The following INPP5D variants were observed in gnomAD, a reference collection of about 807,000 sequenced individuals.
INPP5D encodes the protein phosphatidylinositol 3,4,5-trisphosphate 5-phosphatase 1.
A neutral mutation model predicts 122.9 loss-of-function variants in INPP5D; 33 were observed. The ratio of observed to expected loss-of-function variants is 0.27; its 90% CI spans 0.20 to 0.36. INPP5D has a LOEUF of 0.36. Among genes scored for constraint, INPP5D ranks in the 10% least tolerant of loss-of-function variants. The probability of loss-of-function intolerance (pLI) is 1.00; values close to 1 mark genes in which losing one functional copy is unlikely to be tolerated. For missense variants in INPP5D, 1,053 were observed against 1,412.7 expected (o/e 0.75, Z 4.08); for synonymous variants, 584 against 576.2 (o/e 1.01, Z -0.19).
intron 2 of INPP5D, among the ~76,000 whole-genome samples, chr2:233,114,140 C>A (rs1574737257): frequency 6.6e-6 from 1 of 152,162 alleles, no homozygotes; most frequent in East Asian, 1.9e-4. Flanking sequence ...GATCTCCTGA[C>A]CTTGTGATCT....
At chr2:233,145,712 T>G (rs1287225157) in intron 6 of INPP5D, among the ~76,000 whole-genome samples, 1 of 151,568 alleles carries the variant, frequency 6.6e-6, no homozygotes, top group Admixed American at 6.6e-5. Flanking sequence ...GGGGGCTGCA[T>G]CATATAGGAC....
intron 2 of INPP5D, among the ~76,000 whole-genome samples, chr2:233,119,251 C>T (rs529691845): frequency 5.3e-5 from 8 of 152,304 alleles, no homozygotes; most frequent in Admixed American, 2.0e-4. Context: ...ACACATGAGG[C>T]GTTCAACTTC....
At chr2:233,091,576 C>T (rs777832182) in intron 2 of INPP5D, among the ~76,000 whole-genome samples, 9 of 152,158 alleles carry the variant, frequency 5.9e-5, no homozygotes, top group African/African-American at 1.9e-4. Flanking sequence ...CTCATAATGC[C>T]GTTTCTAGGG....
intron 5 of INPP5D, among the ~76,000 whole-genome samples, chr2:233,138,836 C>G (rs914753612): frequency 5.3e-5 from 8 of 152,062 alleles, no homozygotes; most frequent in South Asian, 4.2e-4. Flanking sequence ...AGCTCTGTCT[C>G]CCGGGTTCAC....
chr2:233,181,862 G>A (rs1461550397), intron 18 of INPP5D, among the ~76,000 whole-genome samples: 6 of 152,268 alleles, frequency 3.9e-5, no homozygotes, highest in South Asian at 2.1e-4. Flanking sequence ...TTGGGAGGCC[G>A]AGGCGAGTGG....
At chr2:233,110,664 G>A (rs1435723536) in intron 2 of INPP5D, among the ~76,000 whole-genome samples, 2 of 152,334 alleles carry the variant, frequency 1.3e-5, no homozygotes, top group South Asian at 2.1e-4. Flanking sequence ...GCTGACGCCT[G>A]TAATCCCATC....
At chr2:233,205,638 A>C (rs1695479190) in intron 26 of INPP5D, 1 of 151,984 alleles carries the variant, frequency 6.6e-6, no homozygotes, top group South Asian at 2.1e-4. Context: ...CTGGGATTAC[A>C]GGCATGAGCC....
At chr2:233,061,378 G>T (rs1378504045) in intron 1 of INPP5D, among the ~76,000 whole-genome samples, 1 of 152,102 alleles carries the variant, frequency 6.6e-6, no homozygotes, top group Non-Finnish European at 1.5e-5. Context: ...GCGTCTGAAG[G>T]AGGCCCTTGC....
At chr2:233,108,260 G>A (rs1019354280) in intron 2 of INPP5D, among the ~76,000 whole-genome samples, 4 of 152,174 alleles carry the variant, frequency 2.6e-5, no homozygotes, top group Admixed American at 2.6e-4. Flanking sequence ...CAGCTAGAGA[G>A]TCCGGGGATC....
Position 233,164,572 on chromosome 2 carries a change from G to A in INPP5D, c.1555+148G>A, listed in dbSNP as rs1194415767. On this transcript the variant is annotated intron_variant, in intron 13 of 26. Coordinates refer to ENST00000445964, the MANE Select transcript of INPP5D (RefSeq NM_001017915.3). The surrounding 1 kb of genome is among the most constrained non-coding windows in gnomAD (Gnocchi z 4.3). ...CTGGCTCAGTCCTCAGCAAATAGGG[G>A]TGATTGGTCTCCCTGGCTGAAACTC... The A allele has an allele frequency of 1.6e-6, 2 of 1,249,612 alleles. No homozygotes were observed. The highest frequency in any genetic ancestry group is 3.0e-5 in the African/African-American group (2 of 66,332). 77.4% of individuals were successfully genotyped at this position (1,249,612 alleles called of 1,614,324 possible).
At chr2:233,165,541 AGTGT>A (rs1333164645) in intron 13 of INPP5D, among the ~76,000 whole-genome samples, 1 of 105,246 alleles carries the variant, frequency 9.5e-6, no homozygotes, top group Non-Finnish European at 2.0e-5. Flanking sequence ...CATATCTATG[AGTGT>A]GTGAGTGTCT....
chr2:233,191,457 A>G (rs1313571398), intron 22 of INPP5D, among the ~76,000 whole-genome samples: 1 of 152,216 alleles, frequency 6.6e-6, no homozygotes, highest in African/African-American at 2.4e-5. Flanking sequence ...GGCTGCATGA[A>G]TGATGCTTCT....
chr2:233,086,434 C>T (rs1691853059), intron 2 of INPP5D, among the ~76,000 whole-genome samples: 1 of 152,056 alleles, frequency 6.6e-6, no homozygotes, highest in Non-Finnish European at 1.5e-5. Context: ...TCGCCTTGGC[C>T]TCCCAAAGTG....
chr2:233,140,558 C>G (rs1333818050), intron 6 of INPP5D: 1 of 152,360 alleles, frequency 6.6e-6, no homozygotes, highest in African/African-American at 2.4e-5. Context: ...CCCAGGCTGG[C>G]GTGCAGTGGC....
At chr2:233,118,680 G>T (rs561354527) in intron 2 of INPP5D, among the ~76,000 whole-genome samples, 1 of 152,368 alleles carries the variant, frequency 6.6e-6, no homozygotes, top group South Asian at 2.1e-4. Context: ...CACACAGCAG[G>T]TTTTCCCTCA....
Position 233,185,148 on chromosome 2 carries a change from T to C in INPP5D, c.2275+627T>C, listed in dbSNP as rs186305752. On this transcript the variant is annotated intron_variant, in intron 20 of 26. Transcript: ENST00000445964. Reference sequence around the variant, plus strand: ...TGTCCAGCCGTCTTCGCTGAGATGGTCTGCACAGTGATCGGGGGAGGAAAA... The same window carrying C: ...TGTCCAGCCGTCTTCGCTGAGATGGCCTGCACAGTGATCGGGGGAGGAAAA... 2.8e-4 allele frequency among the ~76,000 whole-genome samples: 43 copies of C among 152,020 alleles called. No homozygotes were observed. The East Asian group carries it at 6.8e-3, about 24-fold the overall frequency.
intron 18 of INPP5D, among the ~76,000 whole-genome samples, chr2:233,178,539 G>A (rs2106310530): frequency 6.6e-6 from 1 of 151,934 alleles, no homozygotes; most frequent in South Asian, 2.1e-4. Flanking sequence ...CTGGAGTACA[G>A]TGGCAAAATC....
At chr2:233,142,113 G>A (rs1305175689) in intron 6 of INPP5D, among the ~76,000 whole-genome samples, 1 of 152,218 alleles carries the variant, frequency 6.6e-6, no homozygotes. Context: ...TCGTGAGAGA[G>A]GCCAGCTGCA....
In INPP5D at chr2:233,164,218, G is replaced by A; in HGVS notation, c.1438-89G>A. 6.8e-7 allele frequency: 1 copy of A among 1,471,422 alleles called. No homozygotes were observed. Among genetic ancestry groups the A allele is most frequent in the Non-Finnish European group, 9.0e-7 (1 of 1,107,454 alleles). The allele number at this position is 1,471,422 out of a possible 1,614,324, so 91.1% of individuals were successfully genotyped here. A position where few individuals can be genotyped will look rare whatever the true frequency, so the allele number is the denominator to read the frequency against. Reference sequence around the variant, plus strand: ...TACAGACAGGATACCCCATACCCAGGGGCTGCGGCTGGGGCTGGGTGTGAA... The same window carrying A: ...TACAGACAGGATACCCCATACCCAGAGGCTGCGGCTGGGGCTGGGTGTGAA... On this transcript the variant is annotated intron_variant, in intron 12 of 26. Transcript: ENST00000445964. This position sits in a 1 kb window ranked among gnomAD's most constrained non-coding sequence, Gnocchi z 4.3.
Sources: gnomAD v4.1 joint callset for allele counts (sites outside exome capture counted in the v4.1 genomes callset) on GRCh38, gnomAD v4.1.1 for gene constraint, Gnocchi (gnomAD v3.1) non-coding constraint, MANE v1.5 for transcripts, NCBI Gene and HGNC (gene_info 2026-07-23, HGNC 2026-07-21) for gene names.